The following SLCO4C1 variants were observed in gnomAD, a reference collection of about 807,000 sequenced individuals.
SLCO4C1 encodes solute carrier organic anion transporter family member 4C1.
In SLCO4C1, 58 loss-of-function variants were observed where a neutral mutation model predicts 72.1. The ratio of observed to expected loss-of-function variants is 0.80; its 90% CI spans 0.65 to 1.00. SLCO4C1 has a LOEUF of 1.00. SLCO4C1 is among the 50% of genes least tolerant of loss of function. The pLI is 0.00. For synonymous variants in SLCO4C1, 297 were observed against 312.5 expected, an observed-to-expected ratio of 0.95 and a Z score of 0.52; for missense variants, 898 against 857.9, an observed-to-expected ratio of 1.05 and a Z score of -0.58.
chr5:102,258,420 T>G lies in SLCO4C1; in HGVS notation c.1129-333A>C, dbSNP rs374874096. ...TTACTGTAAATCTCCACACTATAAATCTACCACCTATTTGATATTTTATTG... is the reference window on the plus strand; with the variant it reads ...TTACTGTAAATCTCCACACTATAAAGCTACCACCTATTTGATATTTTATTG... On this transcript the variant is annotated intron_variant, in intron 6 of 12. Transcript: ENST00000310954. 1.1e-3 allele frequency among the ~76,000 whole-genome samples: 163 copies of G among 152,256 alleles called. 1 individual carries two copies. Among genetic ancestry groups the G allele is most frequent in the African/African-American group, 3.9e-3 (161 of 41,562 alleles).
intron 2 of SLCO4C1, among the ~76,000 whole-genome samples, chr5:102,285,285 TTTTG>T (rs1188355625): frequency 4.6e-5 from 7 of 151,774 alleles, no homozygotes; most frequent in East Asian, 1.9e-4. Flanking sequence ...ATATATTTTT[TTTTG>T]TTTGTTTGTT....
At chr5:102,264,766 A>G (rs926797720) in intron 3 of SLCO4C1, among the ~76,000 whole-genome samples, 4 of 151,974 alleles carry the variant, frequency 2.6e-5, no homozygotes, top group African/African-American at 9.7e-5. Flanking sequence ...AAATCTCTCC[A>G]TATCCTCCCC....
chr5:102,248,144 A>G (rs1030427458), intron 9 of SLCO4C1, among the ~76,000 whole-genome samples: 2 of 152,100 alleles, frequency 1.3e-5, no homozygotes, highest in African/African-American at 4.8e-5. Context: ...TTTGCCTGCA[A>G]TATAGCAGTT....
intron 2 of SLCO4C1, among the ~76,000 whole-genome samples, chr5:102,280,701 CGA>C (rs955827090): frequency 1.3e-5 from 2 of 151,984 alleles, no homozygotes; most frequent in African/African-American, 4.8e-5. Context: ...TGGTCGCAGG[CGA>C]GAGAGCATGT....
intron 2 of SLCO4C1, among the ~76,000 whole-genome samples, chr5:102,283,620 A>T (rs997905762): frequency 7.3e-5 from 11 of 151,696 alleles, no homozygotes; most frequent in Admixed American, 6.6e-5. Context: ...TTGCTTAATC[A>T]TTACCTTCCA....
At chr5:102,293,830 G>A (rs961483666) in intron 1 of SLCO4C1, among the ~76,000 whole-genome samples, 5 of 152,150 alleles carry the variant, frequency 3.3e-5, no homozygotes, top group Admixed American at 1.3e-4. Flanking sequence ...CACCTCCCGG[G>A]TTCCAGCCAT....
chr5:102,235,837 T>C lies in SLCO4C1; in HGVS notation c.*1021A>G, dbSNP rs62370435. 0.25 allele frequency: 38,358 copies of C among 152,158 alleles called. 6,069 individuals are homozygous for C. The highest frequency in any genetic ancestry group is 0.35 in the Non-Finnish European group (24,120 of 67,992). The allele number at this position is 152,158 out of a possible 1,614,324, so 9.4% of individuals were successfully genotyped here. A position where few individuals can be genotyped will look rare whatever the true frequency, so the allele number is the denominator to read the frequency against. ...TTCTTCCCCCATGGAAAAATTGTCT[T>C]CCACAAAAATGGTCCCTGATGCAAA... On this transcript the variant is annotated 3_prime_UTR_variant, in exon 13 of 13. Coordinates refer to ENST00000310954, the MANE Select transcript of SLCO4C1 (RefSeq NM_180991.5).
chr5:102,249,640 T>G lies in SLCO4C1; in HGVS notation c.1618A>C (p.Lys540Gln). ...GAAAAGTAGGAGACATAAGCTACCT[T>G]TGGCTTCCTGTGTGCAACTGGGTTT... Reference protein sequence around the residue: ...CSNPVAHRKPKVYYNCSCIER... With the variant: ...CSNPVAHRKPQVYYNCSCIER... Residue 540 changes from lysine (K) to glutamine (Q), a missense_variant and splice_region_variant, in exon 9 of 13, where the codon AAG becomes CAG. Physicochemically the swap from Lys to Gln is moderately conservative, Grantham distance 53. Coordinates refer to ENST00000310954, the MANE Select transcript of SLCO4C1 (RefSeq NM_180991.5). 1 of 1,613,600 alleles carries G rather than the reference T, an allele frequency of 6.2e-7. No individual in the cohort carries two copies. Among genetic ancestry groups the G allele is most frequent in the Non-Finnish European group, 8.5e-7 (1 of 1,179,822 alleles).
At chr5:102,278,078 T>TA in intron 2 of SLCO4C1, among the ~76,000 whole-genome samples, 1 of 151,608 alleles carries the variant, frequency 6.6e-6, no homozygotes, top group Non-Finnish European at 1.5e-5. Flanking sequence ...ACATAGTGAA[T>TA]AAAAAAAACA....
At chr5:102,270,973 T>C (rs914089674) in intron 2 of SLCO4C1, among the ~76,000 whole-genome samples, 167 bp from the exon 3 acceptor site, 1 of 152,160 alleles carries the variant, frequency 6.6e-6, no homozygotes, top group Non-Finnish European at 1.5e-5. Context: ...ATACACTTTC[T>C]TACCCCAGCC....
intron 3 of SLCO4C1, among the ~76,000 whole-genome samples, chr5:102,268,801 G>T (rs1749094436): frequency 6.6e-6 from 1 of 152,080 alleles, no homozygotes; most frequent in African/African-American, 2.4e-5. Flanking sequence ...TTTGCTTCCA[G>T]ATGTAGAACT....
At chr5:102,240,932 T>G (rs1748528338) in intron 10 of SLCO4C1, 150 bp from the exon 11 acceptor site, 1 of 507,358 alleles carries the variant, frequency 2.0e-6, no homozygotes. Context: ...TTATAAATGG[T>G]TTAATCTTCC....
chr5:102,249,095 T>C (rs1421740591), intron 9 of SLCO4C1, among the ~76,000 whole-genome samples: 1 of 152,186 alleles, frequency 6.6e-6, no homozygotes, highest in Admixed American at 6.5e-5. Context: ...AGGAAAACTC[T>C]CTTGCCTTCA....
In SLCO4C1 at chr5:102,260,327, AAAAATATATATATATATAT is replaced by A; in HGVS notation, c.1022-27_1022-9del. On this transcript the variant is annotated splice_polypyrimidine_tract_variant and intron_variant, in intron 5 of 12. Coordinates refer to ENST00000310954, the MANE Select transcript of SLCO4C1 (RefSeq NM_180991.5). ...CTTGAATTTCTGCTGTACCTAAAAA[AAAAATATATATATATATAT>A]AATATATATATTATACATATAATAT... is the stretch of plus-strand genomic sequence containing the variant. 1 of 355,942 alleles carries A rather than the reference AAAAATATATATATATATAT, an allele frequency of 2.8e-6. No homozygotes were observed. The highest frequency in any genetic ancestry group is 4.1e-6 in the Non-Finnish European group (1 of 246,776). The allele number at this position is 355,942 out of a possible 1,614,324, so 22.0% of individuals were successfully genotyped here.
chr5:102,280,204 C>T (rs1244186941), intron 2 of SLCO4C1, among the ~76,000 whole-genome samples: 1 of 145,824 alleles, frequency 6.9e-6, no homozygotes, highest in Non-Finnish European at 1.5e-5. Flanking sequence ...ACATAGAATA[C>T]ACCAAGGAAT....
chr5:102,271,199 G>A (rs143361780), intron 2 of SLCO4C1, among the ~76,000 whole-genome samples: 135 of 151,978 alleles, frequency 8.9e-4, no homozygotes, highest in African/African-American at 3.0e-3. Flanking sequence ...TGTCCCGGAC[G>A]TCTCTGATAT....
intron 4 of SLCO4C1, 35 bp downstream of exon 4, chr5:102,263,649 G>T: frequency 6.5e-7 from 1 of 1,526,800 alleles, no homozygotes; most frequent in South Asian, 1.1e-5. Flanking sequence ...AAAATAAAAT[G>T]ACTTTAAATA....
At chr5:102,256,391 AT>A (rs765049832) in intron 8 of SLCO4C1, among the ~76,000 whole-genome samples, 14 of 152,198 alleles carry the variant, frequency 9.2e-5, no homozygotes, top group Non-Finnish European at 2.1e-4. Flanking sequence ...ATTATACAAA[AT>A]TATGGAGTCC....
chr5:102,278,636 T>C (rs1220787747), intron 2 of SLCO4C1, among the ~76,000 whole-genome samples: 1 of 152,174 alleles, frequency 6.6e-6, no homozygotes, highest in East Asian at 1.9e-4. Flanking sequence ...CTACATAGTA[T>C]GTTTTCTGAC....
Sources: allele counts gnomAD v4.1 joint callset (sites outside exome capture counted in the v4.1 genomes callset), GRCh38; gene constraint gnomAD v4.1.1; transcripts MANE v1.5; gene names NCBI Gene and HGNC (gene_info 2026-07-23, HGNC 2026-07-21).